Variants in WFDC8 observed in about 807,000 individuals in gnomAD.
WFDC8 encodes the protein WAP four-disulfide core domain protein 8.
A neutral mutation model predicts 27.0 loss-of-function variants in WFDC8; 24 were observed. That is an observed-to-expected ratio of 0.89 (90% CI 0.64 to 1.25). WFDC8 has a LOEUF of 1.25. Among genes scored for constraint, WFDC8 ranks in the 50% most tolerant of loss-of-function variants. The probability of loss-of-function intolerance (pLI) is 0.00; values close to 1 mark genes in which losing one functional copy is unlikely to be tolerated. For synonymous variants in WFDC8, 106 were observed against 99.7 expected (o/e 1.06, Z -0.38); for missense variants, 287 against 295.9 (o/e 0.97, Z 0.22).
chr20:45,577,952 A>G (rs1600903326), intron 1 of WFDC8, among the ~76,000 whole-genome samples: 1 of 150,220 alleles, frequency 6.7e-6, no homozygotes, highest in East Asian at 2.0e-4. Context: ...GGTTGCAGAG[A>G]GCCGAGATCA....
rs748295419 is a variant in WFDC8 at position 45,569,333 on chromosome 20, A to G, written c.27-7114T>C. ...CATACTTAAAACTTTTTGTCCCTGTACACTTACATATTAAAAGATGAATTC... is the reference window on the plus strand; with the variant it reads ...CATACTTAAAACTTTTTGTCCCTGTGCACTTACATATTAAAAGATGAATTC... On this transcript the variant is annotated intron_variant, in intron 1 of 5. Coordinates refer to ENST00000289953, the MANE Select transcript of WFDC8 (RefSeq NM_130896.3). 2.2e-4 allele frequency among the ~76,000 whole-genome samples: 34 copies of G among 152,320 alleles called. No individual in the cohort carries two copies. The East Asian group carries it at 5.2e-3, about 23-fold the overall frequency.
intron 1 of WFDC8, among the ~76,000 whole-genome samples, chr20:45,578,686 C>T (rs6073786): frequency 0.094 from 14,344 of 151,960 alleles, 703 homozygotes; most frequent in African/African-American, 0.12. Context: ...GGAGTGTCCT[C>T]TTAAAGGAAA....
chr20:45,557,721 C>T (rs1980315552), intron 3 of WFDC8, among the ~76,000 whole-genome samples: 1 of 152,210 alleles, frequency 6.6e-6, no homozygotes, highest in Admixed American at 6.5e-5. Context: ...GTGTGAGCCA[C>T]CGTGCCCAGC....
At chr20:45,561,992 G>T in intron 2 of WFDC8, 118 bp downstream of exon 2, 1 of 884,796 alleles carries the variant, frequency 1.1e-6, no homozygotes, top group Non-Finnish European at 1.8e-6. Flanking sequence ...GTAGCTTTCT[G>T]TGGCCCCAAA....
At chr20:45,568,759 T>C (rs1273359512) in intron 1 of WFDC8, 1 of 485,398 alleles carries the variant, frequency 2.1e-6, no homozygotes, top group Admixed American at 2.0e-5. Flanking sequence ...GAGAGTTCAA[T>C]GTGACACTCT....
At position 45,551,912 on chromosome 20, in the gene WFDC8, C is replaced by T; in HGVS notation, c.*114G>A. 1.6e-6 allele frequency: 2 copies of T among 1,235,330 alleles called. No individual in the cohort carries two copies. The highest frequency in any genetic ancestry group is 2.3e-6 in the Non-Finnish European group (2 of 887,090). The allele number at this position is 1,235,330 out of a possible 1,614,324, so 76.5% of individuals were successfully genotyped here. A position where few individuals can be genotyped will look rare whatever the true frequency, so the allele number is the denominator to read the frequency against. ...TATATAAAATCAAAGTAACATCATTCAATATTGTGATACTTAAGATAATTT... is the reference window on the plus strand; with the variant it reads ...TATATAAAATCAAAGTAACATCATTTAATATTGTGATACTTAAGATAATTT... On this transcript the variant is annotated 3_prime_UTR_variant, in exon 6 of 6. Coordinates refer to ENST00000289953, the MANE Select transcript of WFDC8 (RefSeq NM_130896.3).
chr20:45,562,574 C>A (rs1980512862), intron 1 of WFDC8, among the ~76,000 whole-genome samples: 1 of 152,182 alleles, frequency 6.6e-6, no homozygotes, highest in South Asian at 2.1e-4. Context: ...CCAGGGGCAA[C>A]CCCAGACACT....
intron 1 of WFDC8, among the ~76,000 whole-genome samples, chr20:45,575,497 T>C (rs148397721): frequency 0.015 from 2,177 of 141,794 alleles, 150 homozygotes; most frequent in Admixed American, 0.11. Flanking sequence ...AAAATATTAG[T>C]GAAAGAAATT....
chr20:45,561,296 T>C (rs1165808158), intron 2 of WFDC8, among the ~76,000 whole-genome samples: 1 of 152,190 alleles, frequency 6.6e-6, no homozygotes, highest in Non-Finnish European at 1.5e-5. Context: ...TTCCCATCTC[T>C]TCCTCCAGAC....
intron 3 of WFDC8, among the ~76,000 whole-genome samples, chr20:45,557,198 C>T (rs915030929): frequency 1.3e-5 from 2 of 152,206 alleles, no homozygotes; most frequent in African/African-American, 4.8e-5. Context: ...ACCATGTTCA[C>T]CTGACCTCTT....
intron 1 of WFDC8, among the ~76,000 whole-genome samples, chr20:45,563,452 G>C (rs1657558416): frequency 6.6e-6 from 1 of 152,212 alleles, no homozygotes; most frequent in Non-Finnish European, 1.5e-5. Flanking sequence ...CTTATCGGCT[G>C]TGTGGCCTGG....
At chr20:45,576,189 T>C (rs1438611936) in intron 1 of WFDC8, among the ~76,000 whole-genome samples, 1 of 151,368 alleles carries the variant, frequency 6.6e-6, no homozygotes, top group Non-Finnish European at 1.5e-5. Flanking sequence ...TTTGTCCTTT[T>C]GATCTGTCAA....
chr20:45,566,649 C>T (rs1011968782), intron 1 of WFDC8, among the ~76,000 whole-genome samples: 8 of 151,988 alleles, frequency 5.3e-5, no homozygotes, highest in Admixed American at 3.9e-4. Flanking sequence ...GGCAACAGAG[C>T]GAGACTCTGT....
chr20:45,572,396 C>CAAAAAAAAAAAAAAAAAA, intron 1 of WFDC8, among the ~76,000 whole-genome samples: 1 of 49,424 alleles, frequency 2.0e-5, no homozygotes, highest in Non-Finnish European at 4.4e-5. Context: ...GAATCCATCT[C>CAAAAAAAAAAAAAAAAAA]AAAAAAAAAA....
chr20:45,558,177 A>G (rs1474206370), intron 3 of WFDC8, among the ~76,000 whole-genome samples: 1 of 152,194 alleles, frequency 6.6e-6, no homozygotes, highest in Non-Finnish European at 1.5e-5. Flanking sequence ...GACAGCACCC[A>G]ATCTAGAGAA....
intron 3 of WFDC8, among the ~76,000 whole-genome samples, chr20:45,558,378 C>T (rs1255291643): frequency 6.6e-6 from 1 of 152,156 alleles, no homozygotes; most frequent in Non-Finnish European, 1.5e-5. Flanking sequence ...GTTCAAAGGG[C>T]ATTAACAACA....
Position 45,555,834 on chromosome 20 carries a change from A to G in WFDC8, c.312T>C (p.Cys104=). The change falls in exon 4 of 6, where the codon TGT becomes TGC. Residue 104 remains cysteine, a synonymous_variant. Coordinates refer to ENST00000289953, the MANE Select transcript of WFDC8 (RefSeq NM_130896.3). ...AATGCCAGCGCTGTGCCTCATGATT[A>G]CAGTTTCCATGCCTCACAGGTAGCA... ...PCMLPVRHGN[C]NHEAQRWHFD... 6.2e-7 allele frequency: 1 copy of G among 1,614,060 alleles called. No homozygotes were observed. The highest frequency in any genetic ancestry group is 1.1e-5 in the South Asian group (1 of 91,078).
chr20:45,570,259 G>A (rs1160981977), intron 1 of WFDC8, among the ~76,000 whole-genome samples: 1 of 152,082 alleles, frequency 6.6e-6, no homozygotes, highest in Non-Finnish European at 1.5e-5. Context: ...TATACTGAAA[G>A]TCTGGGGGGT....
At chr20:45,554,521 A>C (rs1980169072) in intron 4 of WFDC8, among the ~76,000 whole-genome samples, 2 of 152,204 alleles carry the variant, frequency 1.3e-5, no homozygotes, top group Admixed American at 1.3e-4. Flanking sequence ...CAAATTCTAC[A>C]AGGGCTTCCC....
Sources: gnomAD v4.1 joint callset for allele counts (sites outside exome capture counted in the v4.1 genomes callset) on GRCh38, gnomAD v4.1.1 for gene constraint, MANE v1.5 for transcripts, NCBI Gene and HGNC (gene_info 2026-07-23, HGNC 2026-07-21) for gene names.